Variants in SF1 observed in about 807,000 individuals in gnomAD.
SF1 encodes the protein branch point-binding protein.
Under a neutral mutation model 62.5 loss-of-function variants are expected in SF1, and 7 were observed. That is an observed-to-expected ratio of 0.11 (90% CI 0.06 to 0.21). The LOEUF (loss-of-function observed/expected upper bound fraction) is 0.21. SF1 is among the 10% of genes least tolerant of loss of function. The pLI is 1.00. For synonymous variants in SF1, 394 were observed against 323.6 expected (o/e 1.22, Z -2.33); for missense variants, 578 against 884.0 (o/e 0.65, Z 4.39).
intron 8 of SF1, among the ~76,000 whole-genome samples, chr11:64,768,679 G>A (rs1272300684): frequency 6.6e-6 from 1 of 152,226 alleles, no homozygotes; most frequent in Non-Finnish European, 1.5e-5. Context: ...CAGTCAGAAA[G>A]TGTTGATATC....
Position 64,778,537 on chromosome 11 carries a change from A to G in SF1, c.-145T>C, listed in dbSNP as rs540243836. On this transcript the variant is annotated 5_prime_UTR_variant, in exon 1 of 13. Coordinates refer to ENST00000377390, the MANE Select transcript of SF1 (RefSeq NM_004630.4). Reference sequence around the variant, plus strand: ...ACGCGGCGGGCGGCGGCGGCGCGAGACGCACAAAGAGGGAGGAGAGAGGGC... The same window carrying G: ...ACGCGGCGGGCGGCGGCGGCGCGAGGCGCACAAAGAGGGAGGAGAGAGGGC... The G allele has an allele frequency of 1.1e-4, 127 of 1,177,622 alleles. No individual in the cohort carries two copies. The highest frequency in any genetic ancestry group is 9.9e-4 in the Middle Eastern group (3 of 3,024). 72.9% of individuals were successfully genotyped at this position (1,177,622 alleles called of 1,614,324 possible).
chr11:64,765,453 G>A lies in SF1; in HGVS notation c.*365C>T, dbSNP rs1441318687. 4.3e-6 allele frequency: 7 copies of A among 1,610,806 alleles called. No homozygotes were observed. In the East Asian group the frequency reaches 1.1e-4, roughly 26 times the overall value. ...TTGCTGAGGCTGTCTGCCTGGAAGG[G>A]TCACCAATGGGCGCGGAAAGTCCTC... On this transcript the variant is annotated 3_prime_UTR_variant, in exon 13 of 13. Coordinates refer to ENST00000377390, the MANE Select transcript of SF1 (RefSeq NM_004630.4).
chr11:64,767,525 T>C, intron 10 of SF1, 46 bp downstream of exon 10: 4 of 1,514,044 alleles, frequency 2.6e-6, no homozygotes, highest in Non-Finnish European at 2.7e-6. Context: ...CGTAACCCCT[T>C]GCTTATCCCA....
Position 64,764,925 on chromosome 11 carries a change from AG to A in SF1, c.*892del, listed in dbSNP as rs1437510323. The A allele has an allele frequency of 1.3e-5, 2 of 152,436 alleles. No individual in the cohort carries two copies. Among genetic ancestry groups the A allele is most frequent in the African/African-American group, 2.4e-5 (1 of 41,478 alleles). 9.4% of individuals were successfully genotyped at this position (152,436 alleles called of 1,614,324 possible). ...GGCAGCTCAGGTGATCAAGGAGCAC[AG>A]GAAGAACTCCAGGCTGGCAGGCGAG... On this transcript the variant is annotated 3_prime_UTR_variant, in exon 13 of 13. Coordinates refer to ENST00000377390, the MANE Select transcript of SF1 (RefSeq NM_004630.4).
At chr11:64,773,029 T>C in intron 3 of SF1, 2 of 1,012,070 alleles carry the variant, frequency 2.0e-6, no homozygotes, top group African/African-American at 3.5e-5. Flanking sequence ...AGTTCAGTGA[T>C]GCTCAAAAAT....
intron 3 of SF1, chr11:64,770,617 A>C: frequency 4.3e-6 from 2 of 462,752 alleles, no homozygotes; most frequent in Non-Finnish European, 7.6e-6. Context: ...GTGTGTGAGA[A>C]AGGAAAAAAA....
intron 12 of SF1, chr11:64,766,509 G>C (rs527594091): frequency 8.9e-5 from 40 of 447,742 alleles, no homozygotes; most frequent in Admixed American, 3.7e-4. Flanking sequence ...TCTCCCCACT[G>C]CCCAGTCCCA....
In SF1 at chr11:64,768,243, T is replaced by C; in HGVS notation, c.931A>G (p.Lys311Glu). Residue 311 changes from lysine to glutamate, a missense_variant, in exon 9 of 13, where the codon AAA becomes GAA. This residue lies in a region of SF1 where 45 missense variants were observed against 97.8 expected (regional missense o/e 0.46). Transcript: ENST00000377390. The stretch of plus-strand genomic sequence containing the variant: ...TCAGCCATGAGGGACAAATATTCTT[T>C]ATCCATCCGTGCTTTATCCTGAGCT... ...QSAQDKARMD[K>E]EYLSLMAELG... is the part of the protein sequence containing the mutation. 6.2e-7 allele frequency: 1 copy of C among 1,613,732 alleles called. No homozygotes were observed. The highest frequency in any genetic ancestry group is 8.5e-7 in the Non-Finnish European group (1 of 1,179,890).
intron 11 of SF1, 41 bp from the exon 12 acceptor site, chr11:64,767,120 G>A (rs1253461215): frequency 1.4e-5 from 22 of 1,611,432 alleles, no homozygotes; most frequent in Non-Finnish European, 1.8e-5. Flanking sequence ...TCAGGGAAAG[G>A]CGGGGACTTG....
rs368622180 is a variant in SF1, at chr11:64,770,078, C to T, written c.390-25G>A. 9.9e-4 allele frequency: 1,588 copies of T among 1,596,644 alleles called. 1 individual carries two copies. Among genetic ancestry groups the T allele is most frequent in the Non-Finnish European group, 1.3e-3 (1,511 of 1,164,788 alleles). ...TCTAAGAAAGAAAAGCCTGTGTCACCGCACATTTCTGGAGAATGACACAGC... is the reference window on the plus strand; with the variant it reads ...TCTAAGAAAGAAAAGCCTGTGTCACTGCACATTTCTGGAGAATGACACAGC... On this transcript the variant is annotated intron_variant, in intron 4 of 12. Coordinates refer to ENST00000377390, the MANE Select transcript of SF1 (RefSeq NM_004630.4).
chr11:64,767,383 T>C (rs917241302), intron 10 of SF1, 132 bp from the exon 11 acceptor site: 1 of 1,064,984 alleles, frequency 9.4e-7, no homozygotes, highest in Non-Finnish European at 1.4e-6. Context: ...GGTCTGTGCT[T>C]ACCCAACACA....
rs755794458 is a variant in SF1 at position 64,765,346 on chromosome 11, C to T, written c.*472G>A. 1.5e-5 allele frequency: 11 copies of T among 750,808 alleles called. No homozygotes were observed. Among genetic ancestry groups the T allele is most frequent in the Admixed American group, 2.4e-5 (1 of 42,386 alleles). 46.5% of individuals were successfully genotyped at this position (750,808 alleles called of 1,614,324 possible). ...AAGAAAAAAATTAATAAAAATTTCA[C>T]GATATGGAGCCAGCGTGTTCCGATT... On this transcript the variant is annotated 3_prime_UTR_variant, in exon 13 of 13. Transcript: ENST00000377390.
At chr11:64,766,319 G>A (rs1592444077) in intron 12 of SF1, 164 bp from the exon 13 acceptor site, 1 of 503,864 alleles carries the variant, frequency 2.0e-6, no homozygotes, top group East Asian at 3.9e-5. Flanking sequence ...TGGAGGGGTG[G>A]GCAGGACTAC....
intron 1 of SF1, among the ~76,000 whole-genome samples, chr11:64,777,347 G>C (rs559502372): frequency 2.6e-5 from 4 of 152,186 alleles, no homozygotes; most frequent in African/African-American, 9.6e-5. Context: ...CAGGATCAGA[G>C]GGAAAAGCTT....
Position 64,766,986 on chromosome 11 carries a change from G to T in SF1, c.1496C>A (p.Pro499Gln), listed in dbSNP as rs1336351056. ...PPPPPSGPLP[P>Q]WQQQQQQPPP... ...AGGCTGCTGCTGCTGTTGTTGCCAT[G>T]GGGGAAGAGGACCAGAGGGAGGGGG... Residue 499 changes from proline to glutamine, a missense_variant, in exon 12 of 13, where the codon CCA becomes CAA. By Grantham distance (76) the Pro-to-Gln change is moderately conservative. Coordinates refer to ENST00000377390, the MANE Select transcript of SF1 (RefSeq NM_004630.4). 2 of 1,515,422 alleles carry T rather than the reference G, an allele frequency of 1.3e-6. No individual in the cohort carries two copies. Among genetic ancestry groups the T allele is most frequent in the East Asian group, 2.3e-5 (1 of 43,624 alleles). The allele number at this position is 1,515,422 out of a possible 1,614,324, so 93.9% of individuals were successfully genotyped here. A position where few individuals can be genotyped will look rare whatever the true frequency, so the allele number is the denominator to read the frequency against.
intron 3 of SF1, chr11:64,772,104 A>T: frequency 9.1e-6 from 9 of 985,460 alleles, no homozygotes; most frequent in Non-Finnish European, 1.1e-5. Context: ...GAAAGGCAAA[A>T]GCTAGTATTC....
chr11:64,769,767 T>G (rs1382620420), intron 5 of SF1, 158 bp from the exon 6 acceptor site: 4 of 775,660 alleles, frequency 5.2e-6, no homozygotes. Flanking sequence ...TCAGCCACAG[T>G]AAACCTGAGG....
intron 1 of SF1, chr11:64,777,458 C>T: frequency 3.1e-6 from 3 of 978,888 alleles, no homozygotes; most frequent in Non-Finnish European, 3.6e-6. Flanking sequence ...CAAAAGAGAC[C>T]AAGAAAGATC....
In SF1 at chr11:64,767,668, G is replaced by A. The variant is rs1259127768; in HGVS notation, c.1245C>T (p.His415=). 1 of 1,608,186 alleles carries A rather than the reference G, an allele frequency of 6.2e-7. No individual in the cohort carries two copies. The highest frequency in any genetic ancestry group is 8.5e-7 in the Non-Finnish European group (1 of 1,177,158). The change falls in exon 10 of 13, where the codon CAC becomes CAT. Residue 415 remains histidine (H), a synonymous_variant. Transcript: ENST00000377390. ...TGGHGGHPMQ[H]NPNGPPPPWM... is the part of the protein sequence containing the mutation. ...AAGGGGGTGGGGGTCCATTGGGGTTGTGCTGCATGGGATGTCCACCATGCC... is the reference window on the plus strand; with the variant it reads ...AAGGGGGTGGGGGTCCATTGGGGTTATGCTGCATGGGATGTCCACCATGCC...
Sources: allele counts gnomAD v4.1 joint callset (sites outside exome capture counted in the v4.1 genomes callset), GRCh38; gene constraint gnomAD v4.1.1; regional missense constraint gnomAD v4.1.1; transcripts MANE v1.5; gene names NCBI Gene and HGNC (gene_info 2026-07-23, HGNC 2026-07-21).